SPAG16: variants seen among roughly 807,000 people sequenced by gnomAD.
SPAG16 encodes the protein sperm-associated antigen 16 protein.
Under a neutral mutation model 80.4 loss-of-function variants are expected in SPAG16, and 86 were observed. The observed-to-expected ratio is 1.07, with a 90% CI of 0.90 to 1.28. The LOEUF is 1.28. Among genes scored for constraint, SPAG16 ranks in the 50% most tolerant of loss-of-function variants. The pLI, the probability that SPAG16 is intolerant of heterozygous loss-of-function variation, is 0.00. For synonymous variants in SPAG16, 294 were observed against 265.9 expected, an observed-to-expected ratio of 1.11 and a Z score of -1.03; for missense variants, 870 against 765.3, an observed-to-expected ratio of 1.14 and a Z score of -1.61.
chr2:213,612,496 C>T (rs947615339), intron 10 of SPAG16, among the ~76,000 whole-genome samples: 6 of 152,154 alleles, frequency 3.9e-5, no homozygotes, highest in African/African-American at 1.2e-4. Context: ...TTAAACTTAA[C>T]ATGTGCAGAT....
chr2:214,340,436 A>G (rs1253431554), intron 15 of SPAG16, among the ~76,000 whole-genome samples: 1 of 152,236 alleles, frequency 6.6e-6, no homozygotes, highest in Non-Finnish European at 1.5e-5. Flanking sequence ...GAATCTGAAT[A>G]TAACAAAATA....
intron 10 of SPAG16, among the ~76,000 whole-genome samples, chr2:213,785,788 G>A (rs527925805): frequency 1.3e-5 from 2 of 152,118 alleles, no homozygotes; most frequent in Admixed American, 6.5e-5. Context: ...AGGCCGAGGC[G>A]GGAGGATCAA....
chr2:214,138,892 A>G (rs1235641091), intron 14 of SPAG16, among the ~76,000 whole-genome samples: 1 of 152,172 alleles, frequency 6.6e-6, no homozygotes, highest in African/African-American at 2.4e-5. Context: ...TGAGGACACC[A>G]GCTACAGTGT....
intron 5 of SPAG16, among the ~76,000 whole-genome samples, chr2:213,337,863 C>A (rs1321882385): frequency 6.6e-6 from 1 of 151,974 alleles, no homozygotes; most frequent in Non-Finnish European, 1.5e-5. Flanking sequence ...ATTCAGGAAA[C>A]CCAGACAACC....
chr2:214,269,100 C>T (rs1400026113), intron 15 of SPAG16, among the ~76,000 whole-genome samples: 2 of 151,896 alleles, frequency 1.3e-5, no homozygotes, highest in African/African-American at 2.4e-5. Flanking sequence ...TCATGGTGGA[C>T]ATTTATGTCC....
At chr2:213,860,449 G>A (rs1460489293) in intron 10 of SPAG16, among the ~76,000 whole-genome samples, 23 of 119,268 alleles carry the variant, frequency 1.9e-4, no homozygotes, top group Admixed American at 4.5e-4. Flanking sequence ...ATAGATATAT[G>A]TATATATATA....
At chr2:213,591,195 A>G (rs1373867217) in intron 10 of SPAG16, among the ~76,000 whole-genome samples, 2 of 152,182 alleles carry the variant, frequency 1.3e-5, no homozygotes, top group African/African-American at 4.8e-5. Flanking sequence ...CACTTAAGCT[A>G]TATTAGATTT....
intron 15 of SPAG16, among the ~76,000 whole-genome samples, chr2:214,212,586 T>A (rs1014876734): frequency 6.6e-6 from 1 of 152,030 alleles, no homozygotes; most frequent in African/African-American, 2.4e-5. Context: ...ATTTATATGC[T>A]AAGTTAGACC....
chr2:213,815,094 C>T (rs2072439196), intron 10 of SPAG16, among the ~76,000 whole-genome samples: 1 of 152,052 alleles, frequency 6.6e-6, no homozygotes, highest in African/African-American at 2.4e-5. Context: ...CTCCAACCTA[C>T]AATAACAGAA....
intron 1 of SPAG16, among the ~76,000 whole-genome samples, chr2:213,286,853 C>T (rs892876102): frequency 2.0e-5 from 3 of 152,104 alleles, no homozygotes; most frequent in Non-Finnish European, 4.4e-5. Flanking sequence ...TATGAATAGA[C>T]TAATGTCCAA....
chr2:214,039,047 G>T (rs1559721957), intron 13 of SPAG16, among the ~76,000 whole-genome samples: 1 of 151,974 alleles, frequency 6.6e-6, no homozygotes, highest in Non-Finnish European at 1.5e-5. Context: ...TAATCCTTTG[G>T]GTATATACCT....
At chr2:214,291,634 G>A (rs1483875179) in intron 15 of SPAG16, among the ~76,000 whole-genome samples, 1 of 152,084 alleles carries the variant, frequency 6.6e-6, no homozygotes, top group Non-Finnish European at 1.5e-5. Flanking sequence ...CATTCAACCA[G>A]TCTATGTCTT....
chr2:213,377,901 ATATTTTTT>A (rs2066968969), intron 9 of SPAG16, among the ~76,000 whole-genome samples: 3 of 24,850 alleles, frequency 1.2e-4, no homozygotes, highest in African/African-American at 2.1e-4. Flanking sequence ...ATATATATAT[ATATTTTTT>A]TTTTTTTTTC....
chr2:214,404,349 T>G (rs1701878567), intron 15 of SPAG16, among the ~76,000 whole-genome samples: 1 of 152,194 alleles, frequency 6.6e-6, no homozygotes, highest in Non-Finnish European at 1.5e-5. Context: ...GCTCAGCTGT[T>G]TTATTTGTAA....
At chr2:214,037,866 T>TGG in intron 13 of SPAG16, among the ~76,000 whole-genome samples, 1 of 61,380 alleles carries the variant, frequency 1.6e-5, no homozygotes, top group East Asian at 2.6e-4. Context: ...AGAAGCCTGG[T>TGG]GTGTGTGTGT....
chr2:213,881,085 C>T (rs1356793988), intron 11 of SPAG16, among the ~76,000 whole-genome samples: 4 of 152,106 alleles, frequency 2.6e-5, no homozygotes, highest in African/African-American at 9.7e-5. Flanking sequence ...ATGATATTGA[C>T]TCTCCCAATC....
At chr2:213,992,996 A>G (rs570492454) in intron 12 of SPAG16, among the ~76,000 whole-genome samples, 1 of 152,356 alleles carries the variant, frequency 6.6e-6, no homozygotes, top group South Asian at 2.1e-4. Flanking sequence ...AAATACTTCA[A>G]GCAAAACTAA....
chr2:213,806,643 A>G lies in SPAG16; in HGVS notation c.1071-55842A>G, dbSNP rs191304002. Among the ~76,000 whole-genome samples, 3 of 152,270 alleles carry G rather than the reference A, an allele frequency of 2.0e-5. No individual in the cohort carries two copies. In the East Asian group the frequency reaches 5.8e-4, roughly 29 times the overall value. ...ATAATTCCTATATCTTCCTAAAGGT[A>G]GTCATTGGACTCAATATTGGGGTAA... On this transcript the variant is annotated intron_variant, in intron 10 of 15. Transcript: ENST00000331683.
At chr2:213,768,394 C>T (rs1451553464) in intron 10 of SPAG16, among the ~76,000 whole-genome samples, 1 of 152,142 alleles carries the variant, frequency 6.6e-6, no homozygotes, top group East Asian at 1.9e-4. Context: ...AGAGTGTAGA[C>T]AGAAAAGTTA....
Sources: allele counts gnomAD v4.1 joint callset (sites outside exome capture counted in the v4.1 genomes callset), GRCh38; gene constraint gnomAD v4.1.1; transcripts MANE v1.5; gene names NCBI Gene and HGNC (gene_info 2026-07-23, HGNC 2026-07-21).